GALNT10: variants seen among roughly 807,000 people sequenced by gnomAD.
GALNT10 encodes the protein polypeptide N-acetylgalactosaminyltransferase 10.
Under a neutral mutation model 75.0 loss-of-function variants are expected in GALNT10, and 41 were observed. That is an observed-to-expected ratio of 0.55 (90% confidence interval 0.43 to 0.71). GALNT10 has a LOEUF of 0.71. Among genes scored for constraint, GALNT10 ranks in the 30% least tolerant of loss-of-function variants. GALNT10 has a pLI of 0.00. For synonymous variants in GALNT10, 302 were observed against 313.0 expected, an observed-to-expected ratio of 0.96 and a Z score of 0.37; for missense variants, 727 against 818.5, an observed-to-expected ratio of 0.89 and a Z score of 1.36.
chr5:154,229,529 C>T (rs1476588653), intron 1 of GALNT10, among the ~76,000 whole-genome samples: 1 of 152,006 alleles, frequency 6.6e-6, no homozygotes, highest in African/African-American at 2.4e-5. Context: ...GAGATCGAGA[C>T]CATCTTGGCT....
intron 7 of GALNT10, 132 bp downstream of exon 7, chr5:154,386,562 G>A: frequency 2.2e-6 from 1 of 450,080 alleles, no homozygotes; most frequent in Non-Finnish European, 4.4e-6. Flanking sequence ...TGCCCATCAG[G>A]TGAAGAAGAC....
At chr5:154,216,153 C>A (rs1752869072) in intron 1 of GALNT10, among the ~76,000 whole-genome samples, 1 of 152,088 alleles carries the variant, frequency 6.6e-6, no homozygotes, top group South Asian at 2.1e-4. Context: ...ATCATCCCAG[C>A]CAGCACTTTA....
intron 1 of GALNT10, among the ~76,000 whole-genome samples, chr5:154,229,163 C>T (rs568894355): frequency 1.1e-4 from 16 of 152,168 alleles, no homozygotes; most frequent in Non-Finnish European, 2.2e-4. Context: ...GAGGAAGGTA[C>T]TTACTTTTCC....
At chr5:154,192,633 T>C (rs960447121) in intron 1 of GALNT10, among the ~76,000 whole-genome samples, 4 of 152,226 alleles carry the variant, frequency 2.6e-5, no homozygotes, top group Admixed American at 6.5e-5. Context: ...ATACTATCAG[T>C]TAATCAATGA....
At chr5:154,243,961 C>A (rs567270755) in intron 1 of GALNT10, among the ~76,000 whole-genome samples, 2 of 152,286 alleles carry the variant, frequency 1.3e-5, no homozygotes, top group South Asian at 4.1e-4. Context: ...CCAGAGTCCT[C>A]ATTTTATAGA....
intron 1 of GALNT10, among the ~76,000 whole-genome samples, chr5:154,197,102 C>G (rs534469798): frequency 4.6e-5 from 7 of 152,148 alleles, no homozygotes; most frequent in Non-Finnish European, 1.0e-4. Flanking sequence ...AGATGATTAG[C>G]TGTGTGGACC....
At chr5:154,349,009 G>T (rs2113141376) in intron 4 of GALNT10, among the ~76,000 whole-genome samples, 1 of 152,146 alleles carries the variant, frequency 6.6e-6, no homozygotes, top group South Asian at 2.1e-4. Flanking sequence ...CTAAAGTACG[G>T]GTTAAATAGA....
chr5:154,367,928 C>G (rs925144654), intron 4 of GALNT10, among the ~76,000 whole-genome samples: 17 of 151,414 alleles, frequency 1.1e-4, no homozygotes, highest in African/African-American at 3.9e-4. Flanking sequence ...TTCTATTATT[C>G]TAGCAGGAAA....
At chr5:154,233,476 C>T (rs1753197010) in intron 1 of GALNT10, among the ~76,000 whole-genome samples, 1 of 152,202 alleles carries the variant, frequency 6.6e-6, no homozygotes. Flanking sequence ...GAAAAGTGGG[C>T]TTCTGCAGGC....
chr5:154,321,762 C>A (rs533201956), intron 3 of GALNT10, among the ~76,000 whole-genome samples: 1 of 151,348 alleles, frequency 6.6e-6, no homozygotes, highest in African/African-American at 2.4e-5. Context: ...TGGTGTGAGG[C>A]TGTGGTGAGA....
At chr5:154,295,633 T>A (rs1182339540) in intron 2 of GALNT10, among the ~76,000 whole-genome samples, 2 of 152,120 alleles carry the variant, frequency 1.3e-5, no homozygotes, top group African/African-American at 2.4e-5. Flanking sequence ...GGTACAGAAA[T>A]TATATGGAGA....
intron 1 of GALNT10, among the ~76,000 whole-genome samples, chr5:154,209,156 AG>A (rs1284543651): frequency 2.0e-5 from 3 of 152,210 alleles, no homozygotes; most frequent in Non-Finnish European, 2.9e-5. Flanking sequence ...GCAATGGAGA[AG>A]CTACGCGTAC....
intron 2 of GALNT10, among the ~76,000 whole-genome samples, chr5:154,296,780 C>T (rs116338563): frequency 1.1e-3 from 162 of 152,326 alleles, no homozygotes; most frequent in African/African-American, 3.7e-3. Flanking sequence ...GCTTCCCTCC[C>T]TGAGCAAACA....
intron 4 of GALNT10, among the ~76,000 whole-genome samples, chr5:154,338,767 C>A (rs1412898467): frequency 6.6e-6 from 1 of 152,190 alleles, no homozygotes; most frequent in Non-Finnish European, 1.5e-5. Context: ...TTCTTTGAGA[C>A]AATGGTGACA....
chr5:154,364,821 T>C (rs1755451017), intron 4 of GALNT10, among the ~76,000 whole-genome samples: 2 of 152,286 alleles, frequency 1.3e-5, no homozygotes, highest in African/African-American at 2.4e-5. Context: ...GAATTGCCCA[T>C]GAATCTGCTC....
At chr5:154,280,981 C>A (rs1754031367) in intron 1 of GALNT10, among the ~76,000 whole-genome samples, 1 of 152,194 alleles carries the variant, frequency 6.6e-6, no homozygotes, top group South Asian at 2.1e-4. Flanking sequence ...TCTGTCCTTA[C>A]CTTAGGGCCA....
In GALNT10 at chr5:154,409,479, C is replaced by T; in HGVS notation, c.1165-62C>T. 2 of 1,086,790 alleles carry T rather than the reference C, an allele frequency of 1.8e-6. No homozygotes were observed. The highest frequency in any genetic ancestry group is 1.5e-5 in the African/African-American group (1 of 65,240). 67.3% of individuals were successfully genotyped at this position (1,086,790 alleles called of 1,614,324 possible). A position where few individuals can be genotyped will look rare whatever the true frequency, so the allele number is the denominator to read the frequency against. The stretch of plus-strand genomic sequence containing the variant: ...CCTCGACCTGCCAGGACCCTTTTCA[C>T]CCCACTGCCTGGCTTTGGCTTCTTG... On this transcript the variant is annotated intron_variant, in intron 8 of 11. Transcript: ENST00000297107. The surrounding 1 kb of genome is among the most constrained non-coding windows in gnomAD (Gnocchi z 4.5).
chr5:154,338,480 T>A (rs1581980884), intron 4 of GALNT10: 2 of 259,764 alleles, frequency 7.7e-6, no homozygotes, highest in East Asian at 1.8e-4. Context: ...ACTTTAATGG[T>A]GCTTCCTCAG....
At chr5:154,385,674 T>C (rs899497542) in intron 6 of GALNT10, among the ~76,000 whole-genome samples, 7 of 152,182 alleles carry the variant, frequency 4.6e-5, no homozygotes, top group African/African-American at 1.7e-4. Flanking sequence ...CCCTCACAAC[T>C]GGCATGGGAT....
Sources: allele counts gnomAD v4.1 joint callset (sites outside exome capture counted in the v4.1 genomes callset), GRCh38; gene constraint gnomAD v4.1.1; non-coding constraint Gnocchi (gnomAD v3.1); transcripts MANE v1.5; gene names NCBI Gene and HGNC (gene_info 2026-07-23, HGNC 2026-07-21).